The following SPINK13 variants were observed in gnomAD, a reference collection of about 807,000 sequenced individuals.
The protein encoded by SPINK13 is serine peptidase inhibitor Kazal type 13, also known as serine protease inhibitor Kazal-type 13.
A neutral mutation model predicts 11.0 loss-of-function variants in SPINK13; 11 were observed. The ratio of observed to expected loss-of-function variants is 1.00; its 90% CI spans 0.63 to 1.65. SPINK13 has a LOEUF of 1.65. Ranked by LOEUF, SPINK13 falls within the 40% of genes most tolerant of loss-of-function variation. The pLI is 0.00. For missense variants in SPINK13, 113 were observed against 117.7 expected, an observed-to-expected ratio of 0.96 and a Z score of 0.19; for synonymous variants, 31 against 35.6, an observed-to-expected ratio of 0.87 and a Z score of 0.46.
Position 148,282,241 on chromosome 5 carries a change from G to T in SPINK13, c.236+10G>T. 1 of 1,613,294 alleles carries T rather than the reference G, an allele frequency of 6.2e-7. No individual in the cohort carries two copies. Among genetic ancestry groups the T allele is most frequent in the Non-Finnish European group, 8.5e-7 (1 of 1,179,524 alleles). ...TTTGTGTTGAACAGAGGTAAGTTCA[G>T]AATAAAATGCCATTATTTTTTCCCT... is the stretch of plus-strand genomic sequence containing the variant. On this transcript the variant is annotated intron_variant, in intron 4 of 4. Transcript: ENST00000398450.
intron 2 of SPINK13, among the ~76,000 whole-genome samples, chr5:148,273,222 T>C (rs1361953554): frequency 6.6e-6 from 1 of 152,116 alleles, no homozygotes; most frequent in Non-Finnish European, 1.5e-5. Context: ...TTATAAATTA[T>C]GCCCTTTATC....
chr5:148,270,870 C>G (rs772040673), intron 2 of SPINK13: 14 of 152,158 alleles, frequency 9.2e-5, no homozygotes, highest in Non-Finnish European at 7.3e-5. Context: ...AGTAAAAGGG[C>G]CATGGGCCGA....
chr5:148,277,140 T>C (rs1007443832), intron 3 of SPINK13, among the ~76,000 whole-genome samples: 3 of 152,370 alleles, frequency 2.0e-5, no homozygotes, highest in South Asian at 4.1e-4. Context: ...TCCTGAGACT[T>C]TGCTGAAGTT....
chr5:148,272,537 G>T (rs969629238), intron 2 of SPINK13, among the ~76,000 whole-genome samples: 7 of 152,162 alleles, frequency 4.6e-5, no homozygotes, highest in African/African-American at 1.2e-4. Context: ...GTCCATAGAA[G>T]TGTATATTTT....
At chr5:148,274,421 A>G (rs770127214) in intron 3 of SPINK13, 37 bp downstream of exon 3, 1 of 1,543,052 alleles carries the variant, frequency 6.5e-7, no homozygotes. Flanking sequence ...TTGTAATTCT[A>G]GTCTAATCAC....
chr5:148,285,423 CTGTT>C (rs1350243507), intron 4 of SPINK13, among the ~76,000 whole-genome samples: 1 of 152,120 alleles, frequency 6.6e-6, no homozygotes, highest in Non-Finnish European at 1.5e-5. Flanking sequence ...ACAGTGCCAA[CTGTT>C]TGGGAAAACA....
chr5:148,285,192 C>T (rs900331258), intron 4 of SPINK13, among the ~76,000 whole-genome samples: 1 of 152,092 alleles, frequency 6.6e-6, no homozygotes, highest in African/African-American at 2.4e-5. Context: ...AGTTCTTCCT[C>T]TCTCTTTTGT....
At chr5:148,278,475 G>T (rs1756464572) in intron 3 of SPINK13, among the ~76,000 whole-genome samples, 3 of 152,102 alleles carry the variant, frequency 2.0e-5, no homozygotes, top group Admixed American at 1.3e-4. Context: ...TTGTGTCTTT[G>T]TTCTCATCAG....
intron 2 of SPINK13, among the ~76,000 whole-genome samples, chr5:148,273,551 T>G (rs1756380808): frequency 6.6e-6 from 1 of 152,190 alleles, no homozygotes; most frequent in African/African-American, 2.4e-5. Context: ...ATTCTGACCT[T>G]TCAGAAGTAG....
intron 3 of SPINK13, among the ~76,000 whole-genome samples, chr5:148,276,107 T>C (rs1290048837): frequency 1.3e-5 from 2 of 152,244 alleles, no homozygotes; most frequent in African/African-American, 2.4e-5. Context: ...TTTTGAAAAA[T>C]GTCTGTTCAT....
chr5:148,280,596 G>C (rs1266548140), intron 3 of SPINK13, among the ~76,000 whole-genome samples: 2 of 152,148 alleles, frequency 1.3e-5, no homozygotes, highest in Non-Finnish European at 2.9e-5. Flanking sequence ...CCCCTGTCTG[G>C]TTATCACCAG....
At chr5:148,275,894 C>G (rs553854517) in intron 3 of SPINK13, among the ~76,000 whole-genome samples, 1 of 152,066 alleles carries the variant, frequency 6.6e-6, no homozygotes, top group Admixed American at 6.6e-5. Flanking sequence ...ATCTCCTGAC[C>G]TCGTGGTCTG....
intron 4 of SPINK13, among the ~76,000 whole-genome samples, chr5:148,285,196 C>G (rs758746620): frequency 2.0e-5 from 3 of 152,136 alleles, no homozygotes; most frequent in Non-Finnish European, 4.4e-5. Context: ...CTTCCTCTCT[C>G]TTTTGTGATG....
intron 3 of SPINK13, among the ~76,000 whole-genome samples, chr5:148,279,178 G>A (rs2113371333): frequency 7.8e-6 from 1 of 127,556 alleles, no homozygotes; most frequent in African/African-American, 3.0e-5. Flanking sequence ...GTGTGTCTTT[G>A]CACATGAGAT....
intron 3 of SPINK13, among the ~76,000 whole-genome samples, chr5:148,274,964 A>G (rs1403082613): frequency 6.6e-6 from 1 of 152,230 alleles, no homozygotes; most frequent in Non-Finnish European, 1.5e-5. Context: ...TCAAAGTCAC[A>G]AAGCTAAACC....
intron 3 of SPINK13, among the ~76,000 whole-genome samples, chr5:148,279,676 T>C (rs562799169): frequency 5.9e-5 from 9 of 152,324 alleles, no homozygotes; most frequent in African/African-American, 1.9e-4. Flanking sequence ...CTTCTTTCCA[T>C]GGGTAAACCG....
At chr5:148,272,678 C>A (rs533657776) in intron 2 of SPINK13, among the ~76,000 whole-genome samples, 104 of 152,262 alleles carry the variant, frequency 6.8e-4, no homozygotes, top group Middle Eastern at 3.4e-3. Context: ...AGGATCCACA[C>A]CAGAAATCAC....
intron 3 of SPINK13, among the ~76,000 whole-genome samples, chr5:148,278,653 G>C (rs534871347): frequency 2.6e-5 from 4 of 152,086 alleles, no homozygotes; most frequent in Non-Finnish European, 5.9e-5. Context: ...TATGATTCCC[G>C]TTCTTTTGCA....
At chr5:148,270,508 A>C (rs768013406) in intron 2 of SPINK13, among the ~76,000 whole-genome samples, 6 of 152,220 alleles carry the variant, frequency 3.9e-5, no homozygotes, top group Non-Finnish European at 7.3e-5. Flanking sequence ...AATGAAAAAT[A>C]AGCCAATGAA....
Sources: allele counts gnomAD v4.1 joint callset (sites outside exome capture counted in the v4.1 genomes callset), GRCh38; gene constraint gnomAD v4.1.1; transcripts MANE v1.5; gene names NCBI Gene and HGNC (gene_info 2026-07-23, HGNC 2026-07-21).